Variants in ARHGAP44 observed in about 807,000 individuals in gnomAD.
ARHGAP44 encodes Rho GTPase activating protein 44.
In ARHGAP44, 43 loss-of-function variants were observed where a neutral mutation model predicts 106.8. The ratio of observed to expected loss-of-function variants is 0.40; its 90% confidence interval spans 0.32 to 0.52. The LOEUF (loss-of-function observed/expected upper bound fraction) is 0.52. Among genes scored for constraint, ARHGAP44 ranks in the 20% least tolerant of loss-of-function variants. ARHGAP44 has a pLI of 0.48. For synonymous variants in ARHGAP44, 439 were observed against 410.3 expected (o/e 1.07, Z -0.85); for missense variants, 866 against 1,050.5 (o/e 0.82, Z 2.43).
chr17:12,816,672 T>TA (rs1232908520), intron 1 of ARHGAP44, among the ~76,000 whole-genome samples: 1 of 152,134 alleles, frequency 6.6e-6, no homozygotes, highest in Non-Finnish European at 1.5e-5. Context: ...AGGAAGACAT[T>TA]ACATACTGAT....
chr17:12,927,762 G>T (rs1028164291), intron 6 of ARHGAP44, among the ~76,000 whole-genome samples: 3 of 152,052 alleles, frequency 2.0e-5, no homozygotes, highest in African/African-American at 7.2e-5. Flanking sequence ...CCCTGCTCCC[G>T]CCTGACTTCC....
At chr17:12,825,401 C>T (rs1359748973) in intron 1 of ARHGAP44, among the ~76,000 whole-genome samples, 1 of 146,150 alleles carries the variant, frequency 6.8e-6, no homozygotes, top group Non-Finnish European at 1.5e-5. Context: ...GAAACAGAAC[C>T]AATAAGGAGT....
Position 12,789,871 on chromosome 17 carries a change from G to A in ARHGAP44, c.33G>A (p.Leu11=). The change falls in exon 1 of 21, where the codon CTG becomes CTA. Residue 11 remains leucine (L), a synonymous_variant. Transcript: ENST00000379672. MKKQFNRMRQ[L]ANQTVGRAEK... ...AGCAGTTCAATCGCATGCGCCAGCT[G>A]GCCAACCAGACGGTGGGCAGGTAGG... 6.6e-7 allele frequency: 1 copy of A among 1,522,280 alleles called. No individual in the cohort carries two copies. The highest frequency in any genetic ancestry group is 8.8e-7 in the Non-Finnish European group (1 of 1,138,544). 94.3% of individuals were successfully genotyped at this position (1,522,280 alleles called of 1,614,324 possible). A position where few individuals can be genotyped will look rare whatever the true frequency, so the allele number is the denominator to read the frequency against.
At chr17:12,877,689 G>T (rs4792298) in intron 1 of ARHGAP44, among the ~76,000 whole-genome samples, 9,206 of 151,882 alleles carry the variant, frequency 0.061, 304 homozygotes, top group Admixed American at 0.084. Context: ...GGCGGAGCTT[G>T]CCGTGAGCCG....
chr17:12,917,072 G>C (rs1417663881), intron 5 of ARHGAP44, among the ~76,000 whole-genome samples: 2 of 152,072 alleles, frequency 1.3e-5, no homozygotes, highest in Non-Finnish European at 2.9e-5. Context: ...AAATATTTCT[G>C]GTCCCAAGCA....
At chr17:12,930,577 C>G (rs1166878173) in intron 7 of ARHGAP44, among the ~76,000 whole-genome samples, 1 of 152,014 alleles carries the variant, frequency 6.6e-6, no homozygotes, top group Non-Finnish European at 1.5e-5. Context: ...GATCTATGTT[C>G]CTCTGTTAAG....
chr17:12,810,014 G>A (rs897766975), intron 1 of ARHGAP44, among the ~76,000 whole-genome samples: 1 of 152,124 alleles, frequency 6.6e-6, no homozygotes, highest in Admixed American at 6.5e-5. Context: ...ATCAGCAGGG[G>A]GGTGGAACTG....
At chr17:12,805,557 G>C (rs1261434944) in intron 1 of ARHGAP44, among the ~76,000 whole-genome samples, 5 of 129,088 alleles carry the variant, frequency 3.9e-5, no homozygotes, top group Admixed American at 2.2e-4. Flanking sequence ...GTAGTTCCTA[G>C]TGTATTGTCT....
At chr17:12,793,711 C>A (rs9892070) in intron 1 of ARHGAP44, among the ~76,000 whole-genome samples, 43,027 of 129,118 alleles carry the variant, frequency 0.33, 8,383 homozygotes, top group African/African-American at 0.59. Flanking sequence ...CCATCTCACA[C>A]AAAAAAAAAA....
At position 12,949,969 on chromosome 17, in the gene ARHGAP44, GC is replaced by G. The variant is rs201227030; in HGVS notation, c.1055+240del. Among the ~76,000 whole-genome samples the G allele has an allele frequency of 6.5e-3, 990 of 152,286 alleles. 39 individuals carry two copies. The highest frequency in any genetic ancestry group is 0.057 in the Admixed American group (875 of 15,286). Reference sequence around the variant, plus strand: ...CATTGGAGAAGGGGGTTGGGAAGTGGCTAAGTAAACTGTGGAGTGTCTGTAC... The same window carrying G: ...CATTGGAGAAGGGGGTTGGGAAGTGGTAAGTAAACTGTGGAGTGTCTGTAC... On this transcript the variant is annotated intron_variant, in intron 12 of 20. Coordinates refer to ENST00000379672, the MANE Select transcript of ARHGAP44 (RefSeq NM_014859.6). The surrounding 1 kb of genome is among the most constrained non-coding windows in gnomAD (Gnocchi z 4.1).
chr17:12,800,328 T>C (rs1012743973), intron 1 of ARHGAP44, among the ~76,000 whole-genome samples: 1 of 152,200 alleles, frequency 6.6e-6, no homozygotes, highest in East Asian at 1.9e-4. Flanking sequence ...GCTTCACTCA[T>C]TGAATCCCCA....
chr17:12,965,526 T>A (rs3785717), intron 16 of ARHGAP44, among the ~76,000 whole-genome samples: 8,100 of 152,258 alleles, frequency 0.053, 788 homozygotes, highest in East Asian at 0.48. Context: ...GGTTCTAGAA[T>A]AATTCGAACT....
intron 5 of ARHGAP44, among the ~76,000 whole-genome samples, chr17:12,917,092 A>T (rs184182777): frequency 6.6e-6 from 1 of 152,300 alleles, no homozygotes; most frequent in African/African-American, 2.4e-5. Context: ...ATTTCAGATA[A>T]GGGACACTCC....
intron 1 of ARHGAP44, among the ~76,000 whole-genome samples, chr17:12,814,856 A>G (rs570329780): frequency 9.9e-5 from 15 of 151,866 alleles, no homozygotes; most frequent in African/African-American, 3.6e-4. Flanking sequence ...ACCCCAAAAA[A>G]CCCCCAAAAA....
intron 16 of ARHGAP44, 171 bp downstream of exon 16, chr17:12,959,068 C>G: frequency 1.3e-6 from 1 of 777,354 alleles, no homozygotes; most frequent in Non-Finnish European, 2.1e-6. Flanking sequence ...GTTTCTTTGG[C>G]TTGCCGCCCT....
At chr17:12,843,781 A>AAGT (rs1285278142) in intron 1 of ARHGAP44, among the ~76,000 whole-genome samples, 1 of 148,514 alleles carries the variant, frequency 6.7e-6, no homozygotes, top group Non-Finnish European at 1.5e-5. Flanking sequence ...TCAGCCTCCC[A>AAGT]AGTAGCTGGG....
chr17:12,903,167 G>A (rs2037445857), intron 3 of ARHGAP44, among the ~76,000 whole-genome samples: 1 of 150,984 alleles, frequency 6.6e-6, no homozygotes, highest in South Asian at 2.1e-4. Context: ...GTGTGTGTGT[G>A]TGTGTGTGTG....
At chr17:12,875,306 T>G (rs1329675851) in intron 1 of ARHGAP44, among the ~76,000 whole-genome samples, 3 of 152,120 alleles carry the variant, frequency 2.0e-5, no homozygotes, top group African/African-American at 7.2e-5. Context: ...GTATAAAAAA[T>G]TGGGGTCTGG....
intron 1 of ARHGAP44, among the ~76,000 whole-genome samples, chr17:12,827,947 G>A (rs1311096620): frequency 1.4e-4 from 20 of 147,956 alleles, no homozygotes; most frequent in Non-Finnish European, 3.0e-5. Context: ...GCTGAGGCAG[G>A]AGAATCACTT....
Sources: gnomAD v4.1 joint callset for allele counts (sites outside exome capture counted in the v4.1 genomes callset) on GRCh38, gnomAD v4.1.1 for gene constraint, Gnocchi (gnomAD v3.1) non-coding constraint, MANE v1.5 for transcripts, NCBI Gene and HGNC (gene_info 2026-07-23, HGNC 2026-07-21) for gene names.